The following ITGA2 variants were observed in gnomAD, a reference collection of about 807,000 sequenced individuals.
ITGA2 encodes the protein integrin subunit alpha 2, also known as integrin alpha-2.
Under a neutral mutation model 146.3 loss-of-function variants are expected in ITGA2, and 101 were observed. The observed-to-expected ratio is 0.69, with a 90% confidence interval of 0.59 to 0.81. The LOEUF is 0.81. Ranked by LOEUF, ITGA2 falls within the 40% of genes least tolerant of loss-of-function variation. The pLI is 0.00. For missense variants in ITGA2, 1,281 were observed against 1,402.7 expected (o/e 0.91, Z 1.39); for synonymous variants, 477 against 487.1 (o/e 0.98, Z 0.27).
At chr5:53,047,659 C>A (rs1033469915) in intron 4 of ITGA2, among the ~76,000 whole-genome samples, 1 of 152,156 alleles carries the variant, frequency 6.6e-6, no homozygotes, top group Non-Finnish European at 1.5e-5. Flanking sequence ...GGCAACACAA[C>A]CTATTTCATA....
Position 53,026,873 on chromosome 5 carries a change from G to C in ITGA2, c.185+5G>C. 1 of 1,610,114 alleles carries C rather than the reference G, an allele frequency of 6.2e-7. No homozygotes were observed. The highest frequency in any genetic ancestry group is 1.7e-5 in the Admixed American group (1 of 59,988). ...TATAAATCCAAAAGGCAACTGGTAA[G>C]AATATTCTCTTCTTTATGATTTCAG... On this transcript the variant is annotated splice_donor_5th_base_variant and intron_variant, in intron 2 of 29. Transcript: ENST00000296585.
chr5:53,072,666 C>T lies in ITGA2; in HGVS notation c.2400C>T (p.Val800=). Residue 800 remains valine, a synonymous_variant, in exon 19 of 30, where the codon GTC becomes GTT. Transcript: ENST00000296585. The part of the protein sequence containing the change: ...GEDGLCISDL[V]LDVRQIPAAQ... ...ACGGACTTTGCATTTCTGATCTAGT[C>T]CTAGATGTCCGACAAATACCAGCTG... The T allele has an allele frequency of 6.2e-7, 1 of 1,610,292 alleles. No individual in the cohort carries two copies. The highest frequency in any genetic ancestry group is 2.2e-5 in the East Asian group (1 of 44,682).
intron 27 of ITGA2, among the ~76,000 whole-genome samples, chr5:53,084,409 T>C (rs149245609): frequency 4.7e-4 from 72 of 152,264 alleles, no homozygotes; most frequent in African/African-American, 1.5e-3. Context: ...CTTCCTGCTA[T>C]AGAGTTTTGT....
chr5:53,050,697 G>A (rs3212502), intron 6 of ITGA2, among the ~76,000 whole-genome samples: 11,987 of 152,224 alleles, frequency 0.079, 623 homozygotes, highest in Middle Eastern at 0.12. Flanking sequence ...TGCAAACAAG[G>A]ACATTAACAG....
At chr5:53,017,400 G>A (rs916727939) in intron 1 of ITGA2, among the ~76,000 whole-genome samples, 1 of 152,234 alleles carries the variant, frequency 6.6e-6, no homozygotes, top group African/African-American at 2.4e-5. Context: ...TGAGGAACTG[G>A]CATTGGGCCC....
chr5:53,053,539 G>A (rs1020561060), intron 7 of ITGA2, among the ~76,000 whole-genome samples: 1 of 152,148 alleles, frequency 6.6e-6, no homozygotes, highest in African/African-American at 2.4e-5. Context: ...CCTGGAAGGA[G>A]CCTGGGGCCC....
intron 1 of ITGA2, among the ~76,000 whole-genome samples, chr5:53,024,007 A>T (rs896254852): frequency 2.6e-5 from 4 of 152,234 alleles, no homozygotes; most frequent in African/African-American, 9.6e-5. Flanking sequence ...AGGGATGGTG[A>T]TAAAGAAGGT....
At position 53,075,281 on chromosome 5, in the gene ITGA2, T is replaced by C. The variant is rs1045434424; in HGVS notation, c.2802T>C (p.Tyr934=). ...TCAACCTCAAAATTCCTCTCCTGTA[T>C]GATGCTGAAATTCACTTAACAAGGT... ...NLVNLKIPLL[Y]DAEIHLTRST... is the part of the protein sequence containing the mutation. The change falls in exon 23 of 30, where the codon TAT becomes TAC. Residue 934 remains tyrosine, a synonymous_variant. Transcript: ENST00000296585. The C allele has an allele frequency of 6.2e-7, 1 of 1,612,702 alleles. No individual in the cohort carries two copies. The highest frequency in any genetic ancestry group is 8.5e-7 in the Non-Finnish European group (1 of 1,179,290).
In ITGA2 at chr5:53,048,780, A is replaced by G. The variant is rs1421933; in HGVS notation, c.630+10A>G. ...CCCCACAAAGACACAGGTATGGCTA[A>G]CAGAAATGCATAACTAACTTATGGC... On this transcript the variant is annotated intron_variant, in intron 6 of 29. Transcript: ENST00000296585. 0.73 allele frequency: 1,174,511 copies of G among 1,612,300 alleles called. 429,230 individuals carry two copies. The highest frequency in any genetic ancestry group is 0.79 in the African/African-American group (59,071 of 74,930).
intron 2 of ITGA2, among the ~76,000 whole-genome samples, chr5:53,031,898 T>C (rs1743245602): frequency 6.6e-6 from 1 of 152,166 alleles, no homozygotes; most frequent in East Asian, 1.9e-4. Flanking sequence ...CTACAAAGGA[T>C]TGAGATATGT....
At chr5:53,086,777 G>A (rs1393613361) in intron 27 of ITGA2, among the ~76,000 whole-genome samples, 175 bp from the exon 28 acceptor site, 3 of 152,118 alleles carry the variant, frequency 2.0e-5, no homozygotes, top group East Asian at 1.9e-4. Context: ...TATTTCTGAC[G>A]GGCAGTCCTG....
intron 20 of ITGA2, 42 bp downstream of exon 20, chr5:53,073,301 A>G (rs755285793): frequency 1.2e-6 from 2 of 1,601,806 alleles, no homozygotes; most frequent in Non-Finnish European, 1.7e-6. Context: ...CATGCTTCCT[A>G]CTTATAGATC....
chr5:53,090,834 GGA>G lies in ITGA2; in HGVS notation c.*236_*237del, dbSNP rs1491503450. 1.7e-6 allele frequency: 1 copy of G among 591,762 alleles called. No individual in the cohort carries two copies. The highest frequency in any genetic ancestry group is 1.9e-5 in the African/African-American group (1 of 53,314). 36.7% of individuals were successfully genotyped at this position (591,762 alleles called of 1,614,324 possible). A position where few individuals can be genotyped will look rare whatever the true frequency, so the allele number is the denominator to read the frequency against. On this transcript the variant is annotated 3_prime_UTR_variant, in exon 30 of 30. Transcript: ENST00000296585. ...GAAAATACCTATTTTATATGATGGG[GGA>G]AAAAAAGTAATCTTTAAACTGGCTG...
Position 53,055,954 on chromosome 5 carries a change from G to T in ITGA2, c.931-30G>T. 1.9e-6 allele frequency: 3 copies of T among 1,591,832 alleles called. No homozygotes were observed. In the South Asian group the frequency reaches 3.3e-5, roughly 18 times the overall value. ...CATAGGGAAAATGTACAGCAGTAAT[G>T]ACTGCACATTCTCTTCCTCTATTTT... On this transcript the variant is annotated intron_variant, in intron 8 of 29. Coordinates refer to ENST00000296585, the MANE Select transcript of ITGA2 (RefSeq NM_002203.4).
intron 27 of ITGA2, among the ~76,000 whole-genome samples, chr5:53,084,507 A>G (rs935243939): frequency 2.0e-5 from 3 of 152,238 alleles, no homozygotes; most frequent in African/African-American, 7.2e-5. Context: ...AGAAAACGGA[A>G]TAGTAAAAGT....
At chr5:53,087,180 A>G (rs1264049608) in intron 28 of ITGA2, 139 bp downstream of exon 28, 2 of 719,896 alleles carry the variant, frequency 2.8e-6, no homozygotes, top group Non-Finnish European at 4.9e-6. Flanking sequence ...GATGTTTATT[A>G]TGTTGAGATT....
intron 1 of ITGA2, among the ~76,000 whole-genome samples, chr5:53,004,037 G>T (rs1430900919): frequency 6.6e-6 from 1 of 151,974 alleles, no homozygotes; most frequent in East Asian, 1.9e-4. Context: ...GTAGGCTGGG[G>T]GTGTCTGGTC....
rs148096404 is a variant in ITGA2, at chr5:53,062,828, G to A, written c.1501G>A (p.Asp501Asn). Residue 501 changes from aspartate (D) to asparagine (N), a missense_variant, in exon 13 of 30, where the codon GAT (aspartate) becomes AAT (asparagine). Physicochemically the swap from Asp to Asn is conservative, Grantham distance 23. Coordinates refer to ENST00000296585, the MANE Select transcript of ITGA2 (RefSeq NM_002203.4). ...TAGTGTGCTGTGTTCAGTTGATGTG[G>A]ATAAAGACACCATTACAGACGTGCT... ...FGSVLCSVDV[D>N]KDTITDVLLV... The A allele has an allele frequency of 6.2e-7, 1 of 1,611,528 alleles. No homozygotes were observed. Among genetic ancestry groups the A allele is most frequent in the African/African-American group, 1.3e-5 (1 of 74,676 alleles).
chr5:53,063,155 G>A (rs931805006), intron 13 of ITGA2, among the ~76,000 whole-genome samples: 3 of 151,752 alleles, frequency 2.0e-5, no homozygotes, highest in Non-Finnish European at 4.4e-5. Context: ...TCCATGAGAG[G>A]TCTTTGAATA....
Sources: allele counts gnomAD v4.1 joint callset (sites outside exome capture counted in the v4.1 genomes callset), GRCh38; gene constraint gnomAD v4.1.1; transcripts MANE v1.5; gene names NCBI Gene and HGNC (gene_info 2026-07-23, HGNC 2026-07-21).